Variants in NCOR1 observed in about 807,000 individuals in gnomAD.
The protein encoded by NCOR1 is nuclear receptor corepressor 1, also known as protein phosphatase 1, regulatory subunit 109.
NCOR1 carries 63 observed loss-of-function variants against 288.1 expected under a neutral mutation model. That is an observed-to-expected ratio of 0.22 (90% CI 0.18 to 0.27). The LOEUF is 0.27. NCOR1 is among the 10% of genes least tolerant of loss of function. The pLI, the probability that NCOR1 is intolerant of heterozygous loss-of-function variation, is 1.00. For synonymous variants in NCOR1, 1,007 were observed against 1,065.9 expected, an observed-to-expected ratio of 0.94 and a Z score of 1.08; for missense variants, 2,397 against 3,019.2, an observed-to-expected ratio of 0.79 and a Z score of 4.83.
intron 27 of NCOR1, among the ~76,000 whole-genome samples, chr17:16,073,905 G>A (rs1158838371): frequency 6.6e-6 from 1 of 152,214 alleles, no homozygotes; most frequent in Non-Finnish European, 1.5e-5. Flanking sequence ...AATGCTAGGA[G>A]AGAAACCTAA....
intron 12 of NCOR1, 39 bp from the exon 13 acceptor site, chr17:16,138,251 A>AT: frequency 6.5e-7 from 1 of 1,538,990 alleles, no homozygotes. Context: ...TTGCGTACAA[A>AT]TATTTCAACA....
chr17:16,071,761 T>C (rs1229670870), intron 29 of NCOR1, 96 bp from the exon 30 acceptor site: 3 of 1,140,190 alleles, frequency 2.6e-6, no homozygotes, highest in Non-Finnish European at 3.7e-6. Flanking sequence ...ATGGTAAATT[T>C]TGTTACATAT....
chr17:16,055,946 G>A (rs1359900936), intron 40 of NCOR1, among the ~76,000 whole-genome samples: 1 of 152,194 alleles, frequency 6.6e-6, no homozygotes, highest in African/African-American at 2.4e-5. Flanking sequence ...GTCGGGGCAA[G>A]CGGGGATGAA....
In NCOR1 at chr17:16,072,021, C is replaced by T. The variant is rs530974131; in HGVS notation, c.3895+124G>A. On this transcript the variant is annotated intron_variant, in intron 29 of 45. Coordinates refer to ENST00000268712, the MANE Select transcript of NCOR1 (RefSeq NM_006311.4). ...AGCTCAGAGGCAGAAAAGTAATAAC[C>T]AAGACTTTAATATTTCAAAAGGGAA... 294 of 748,592 alleles carry T rather than the reference C, an allele frequency of 3.9e-4. 1 individual carries two copies. In the African/African-American group the frequency reaches 4.5e-3, roughly 12 times the overall value. The allele number at this position is 748,592 out of a possible 1,614,324, so 46.4% of individuals were successfully genotyped here.
intron 27 of NCOR1, among the ~76,000 whole-genome samples, chr17:16,075,120 G>A (rs1019458081): frequency 1.3e-5 from 2 of 152,200 alleles, no homozygotes; most frequent in African/African-American, 2.4e-5. Context: ...CGCCTGCCTC[G>A]GCCTCCCAAA....
chr17:16,090,966 G>A (rs1008938842), intron 22 of NCOR1, among the ~76,000 whole-genome samples: 3 of 152,134 alleles, frequency 2.0e-5, no homozygotes, highest in African/African-American at 7.2e-5. Context: ...TAAGCATATC[G>A]TAGCATATAA....
chr17:16,187,336 T>C (rs904044356), intron 2 of NCOR1, among the ~76,000 whole-genome samples: 6 of 151,696 alleles, frequency 4.0e-5, no homozygotes, highest in African/African-American at 1.2e-4. Flanking sequence ...ATTACAAGTA[T>C]ATAAAACCAC....
rs145391325 is a variant in NCOR1 at position 16,160,936 on chromosome 17, A to T, written c.619-2063T>A. ...AGGCTGCCCAATTCGAAAAAAATTT[A>T]AAAAAATAATAATAAATAGCCACCA... is the stretch of plus-strand genomic sequence containing the variant. On this transcript the variant is annotated intron_variant, in intron 5 of 45. Coordinates refer to ENST00000268712, the MANE Select transcript of NCOR1 (RefSeq NM_006311.4). Among the ~76,000 whole-genome samples, 208 of 152,224 alleles carry T rather than the reference A, an allele frequency of 1.4e-3. 1 individual carries two copies. Among genetic ancestry groups the T allele is most frequent in the African/African-American group, 4.3e-3 (178 of 41,528 alleles).
intron 15 of NCOR1, among the ~76,000 whole-genome samples, chr17:16,124,039 C>T (rs557151071): frequency 2.0e-4 from 30 of 152,298 alleles, no homozygotes; most frequent in African/African-American, 7.2e-4. Context: ...CCACTGGCTA[C>T]ATGGCCCAAA....
intron 1 of NCOR1, among the ~76,000 whole-genome samples, chr17:16,213,469 G>A (rs898477644): frequency 1.5e-4 from 19 of 128,152 alleles, no homozygotes; most frequent in African/African-American, 5.6e-4. Flanking sequence ...TCCAGCCTGG[G>A]TGACAGAGCA....
chr17:16,200,713 C>G (rs1387987397), intron 1 of NCOR1, among the ~76,000 whole-genome samples: 1 of 151,946 alleles, frequency 6.6e-6, no homozygotes, highest in Admixed American at 6.6e-5. Flanking sequence ...TAGGGCAATG[C>G]CTTTATGACA....
At chr17:16,144,928 CCTT>C (rs1018218977) in intron 10 of NCOR1, among the ~76,000 whole-genome samples, 2 of 151,972 alleles carry the variant, frequency 1.3e-5, no homozygotes, top group East Asian at 3.9e-4. Flanking sequence ...CTCCCTCTCT[CCTT>C]CTCCCGCTTT....
rs776582617 is a variant in NCOR1 at position 16,061,617 on chromosome 17, T to G, written c.5665A>C (p.Ser1889Arg). Residue 1889 changes from serine (S) to arginine (R), a missense_variant, in exon 37 of 46, where the codon AGT (serine) becomes CGT (arginine). Ser to Arg is a moderately radical substitution (Grantham distance 110, BLOSUM62 -1). This residue lies in a region of NCOR1 where 1,872 missense variants were observed against 2,187.8 expected (regional missense o/e 0.86). Transcript: ENST00000268712. ...QCLYTSSAFPSGKPQPHSSVV... is the reference protein window; with the variant it reads ...QCLYTSSAFPRGKPQPHSSVV... ...GAAGAATGAGGCTGGGGCTTGCCAC[T>G]TGGAAAGGCTGAAGAAGTGTATAAA... is the stretch of plus-strand genomic sequence containing the variant. 6.2e-7 allele frequency: 1 copy of G among 1,614,214 alleles called. No homozygotes were observed. The highest frequency in any genetic ancestry group is 1.1e-5 in the South Asian group (1 of 91,086).
intron 4 of NCOR1, among the ~76,000 whole-genome samples, chr17:16,165,810 A>C (rs1248140510): frequency 1.7e-4 from 26 of 152,206 alleles, no homozygotes; most frequent in Non-Finnish European, 3.4e-4. Flanking sequence ...CGCTTCACCC[A>C]AAATCCACTA....
intron 26 of NCOR1, 141 bp from the exon 27 acceptor site, chr17:16,075,843 T>G: frequency 2.3e-6 from 2 of 853,566 alleles, no homozygotes; most frequent in Non-Finnish European, 3.5e-6. Flanking sequence ...GAAAGGAAAT[T>G]AGACATTGAA....
intron 3 of NCOR1, among the ~76,000 whole-genome samples, chr17:16,176,093 C>T (rs2084116526): frequency 6.6e-6 from 1 of 151,976 alleles, no homozygotes; most frequent in Non-Finnish European, 1.5e-5. Context: ...GGGGCACATG[C>T]CCGTAATCCC....
At chr17:16,144,874 C>T (rs1454067618) in intron 10 of NCOR1, among the ~76,000 whole-genome samples, 2 of 150,442 alleles carry the variant, frequency 1.3e-5, no homozygotes. Context: ...CCATGATCTC[C>T]TCCCTCTCCC....
intron 7 of NCOR1, among the ~76,000 whole-genome samples, chr17:16,152,578 A>G (rs1314607826): frequency 2.6e-5 from 4 of 152,176 alleles, no homozygotes; most frequent in Non-Finnish European, 5.9e-5. Context: ...GTTGGTTCCC[A>G]GTCTTTGCTA....
Position 16,064,189 on chromosome 17 carries a change from T to C in NCOR1, c.5102-2A>G. On this transcript the variant is annotated splice_acceptor_variant, in intron 34 of 45. Transcript: ENST00000268712. LOFTEE classifies it high-confidence loss of function. ...CAGCTGCAAGGTGTGTTGGGTGTCCTGTAAAACATAAACCTGCAGCTTAAA... is the reference window on the plus strand; with the variant it reads ...CAGCTGCAAGGTGTGTTGGGTGTCCCGTAAAACATAAACCTGCAGCTTAAA... The C allele has an allele frequency of 6.2e-7, 1 of 1,612,052 alleles. No homozygotes were observed. The highest frequency in any genetic ancestry group is 8.5e-7 in the Non-Finnish European group (1 of 1,178,906).
Sources: gnomAD v4.1 joint callset for allele counts (sites outside exome capture counted in the v4.1 genomes callset) on GRCh38, gnomAD v4.1.1 for gene constraint, gnomAD v4.1.1 regional missense constraint, MANE v1.5 for transcripts, NCBI Gene and HGNC (gene_info 2026-07-23, HGNC 2026-07-21) for gene names.